Variants in MTRFR observed in about 807,000 individuals in gnomAD.
MTRFR encodes mitochondrial translation release factor in rescue.
Under a neutral mutation model 11.9 loss-of-function variants are expected in MTRFR, and 10 were observed. The ratio of observed to expected loss-of-function variants is 0.84; its 90% CI spans 0.52 to 1.42. The LOEUF (loss-of-function observed/expected upper bound fraction) is 1.42, where lower values mean the gene tolerates loss of function less well. Among genes scored for constraint, MTRFR ranks in the 40% most tolerant of loss-of-function variants. MTRFR has a pLI of 0.00. For synonymous variants in MTRFR, 77 were observed against 79.1 expected (o/e 0.97, Z 0.14); for missense variants, 196 against 197.9 (o/e 0.99, Z 0.06).
intron 1 of MTRFR, among the ~76,000 whole-genome samples, chr12:123,239,099 T>C (rs1055855582): frequency 6.6e-6 from 1 of 152,114 alleles, no homozygotes; most frequent in Non-Finnish European, 1.5e-5. Context: ...TGAAACCCCG[T>C]CTCTACAAAA....
intron 1 of MTRFR, among the ~76,000 whole-genome samples, chr12:123,253,070 ATTTTTTTTTTTTTTTTTTT>A (rs71085872): frequency 5.6e-3 from 195 of 34,844 alleles, no homozygotes; most frequent in Middle Eastern, 0.026. Context: ...GTTCCTTTGA[ATTTTTTTTTTTTTTTTTTT>A]TTTTTTTTTT....
Position 123,256,912 on chromosome 12 carries a change from C to G in MTRFR, c.382C>G (p.His128Asp). Reference protein sequence around the residue: ...VFYNGENSPVHKEKREAAKKK... With the variant: ...VFYNGENSPVDKEKREAAKKK... The stretch of plus-strand genomic sequence containing the variant: ...CTACAATGGTGAAAACAGTCCTGTT[C>G]ACAAAGAAAAACGAGAAGCGGCGAA... Residue 128 changes from histidine (H) to aspartate (D), a missense_variant, in exon 3 of 3, where the codon CAC becomes GAC. By Grantham distance (81) the His-to-Asp change is moderately conservative (BLOSUM62 -1). Transcript: ENST00000253233. The G allele has an allele frequency of 6.2e-7, 1 of 1,613,252 alleles. No homozygotes were observed.
chr12:123,241,377 G>A (rs907903502), intron 1 of MTRFR, among the ~76,000 whole-genome samples: 1 of 151,432 alleles, frequency 6.6e-6, no homozygotes, highest in African/African-American at 2.4e-5. Context: ...TTCAGTCTTC[G>A]CCCAGGCTGG....
Position 123,257,156 on chromosome 12 carries a change from C to A in MTRFR, c.*125C>A. ...AAATATTTTTGATGAACTTAAAAGACAACAAATTTATTTAAATGGTGCACT... is the reference window on the plus strand; with the variant it reads ...AAATATTTTTGATGAACTTAAAAGAAAACAAATTTATTTAAATGGTGCACT... On this transcript the variant is annotated 3_prime_UTR_variant, in exon 3 of 3. Coordinates refer to ENST00000253233, the MANE Select transcript of MTRFR (RefSeq NM_152269.5). 1 of 810,760 alleles carries A rather than the reference C, an allele frequency of 1.2e-6. No individual in the cohort carries two copies. Among genetic ancestry groups the A allele is most frequent in the East Asian group, 2.4e-5 (1 of 41,152 alleles). 50.2% of individuals were successfully genotyped at this position (810,760 alleles called of 1,614,324 possible). A position where few individuals can be genotyped will look rare whatever the true frequency, so the allele number is the denominator to read the frequency against.
chr12:123,256,297 C>T (rs1361722327), intron 2 of MTRFR, among the ~76,000 whole-genome samples: 2 of 152,140 alleles, frequency 1.3e-5, no homozygotes, highest in Non-Finnish European at 2.9e-5. Flanking sequence ...ATTTGAAGGC[C>T]ACTGTTGCTT....
intron 1 of MTRFR, among the ~76,000 whole-genome samples, chr12:123,238,710 G>A (rs2047888010): frequency 6.6e-6 from 1 of 152,158 alleles, no homozygotes; most frequent in African/African-American, 2.4e-5. Context: ...CAAATTTTAT[G>A]TGCCTCTGCA....
At chr12:123,239,559 T>C (rs1035369990) in intron 1 of MTRFR, among the ~76,000 whole-genome samples, 1 of 152,056 alleles carries the variant, frequency 6.6e-6, no homozygotes. Context: ...CGTGCAACCA[T>C]GCCCAGCTAA....
Position 123,255,977 on chromosome 12 carries a change from C to T in MTRFR, c.283-836C>T, listed in dbSNP as rs181315052. On this transcript the variant is annotated intron_variant, in intron 2 of 2. Coordinates refer to ENST00000253233, the MANE Select transcript of MTRFR (RefSeq NM_152269.5). ...ATGGGGGGTCTTGCTATGTTGCCCA[C>T]GCTGGTCTCAAACTCCAGCCCTCAA... 1.1e-4 allele frequency among the ~76,000 whole-genome samples: 17 copies of T among 152,192 alleles called. No individual in the cohort carries two copies. In the South Asian group the frequency reaches 2.1e-3, roughly 19 times the overall value.
chr12:123,241,773 A>T (rs1054856871), intron 1 of MTRFR, among the ~76,000 whole-genome samples: 5 of 152,232 alleles, frequency 3.3e-5, no homozygotes, highest in African/African-American at 1.2e-4. Context: ...CTCCGGCCAC[A>T]GGCCTTGTTG....
At chr12:123,256,052 C>T (rs963060185) in intron 2 of MTRFR, among the ~76,000 whole-genome samples, 6 of 152,148 alleles carry the variant, frequency 3.9e-5, no homozygotes, top group Non-Finnish European at 7.4e-5. Flanking sequence ...AGGTGTGAGC[C>T]ACTATGCCTG....
intron 1 of MTRFR, among the ~76,000 whole-genome samples, chr12:123,245,052 A>G (rs921558927): frequency 2.9e-5 from 4 of 139,762 alleles, no homozygotes; most frequent in Non-Finnish European, 6.1e-5. Flanking sequence ...GAATTCAAGC[A>G]GTTCTCCTGC....
intron 1 of MTRFR, chr12:123,251,598 CCTT>C (rs2048111861): frequency 6.6e-6 from 1 of 152,544 alleles, no homozygotes; most frequent in Non-Finnish European, 1.5e-5. Flanking sequence ...TGCAAACAGA[CCTT>C]CAGCCTCTCC....
chr12:123,256,914 CAAAG>C lies in MTRFR; in HGVS notation c.388_391del (p.Glu130AsnfsTer45). ...ACAATGGTGAAAACAGTCCTGTTCA[CAAAG>C]AAAAACGAGAAGCGGCGAAGAAAAA... is the stretch of plus-strand genomic sequence containing the variant. On this transcript the variant is annotated frameshift_variant, in exon 3 of 3. Transcript: ENST00000253233. LOFTEE classifies it high-confidence loss of function. 1 of 1,611,460 alleles carries C rather than the reference CAAAG, an allele frequency of 6.2e-7. No individual in the cohort carries two copies.
chr12:123,240,209 C>A (rs1430850230), intron 1 of MTRFR, among the ~76,000 whole-genome samples: 48 of 135,006 alleles, frequency 3.6e-4, no homozygotes, highest in African/African-American at 1.2e-3. Flanking sequence ...ATTAAAAATA[C>A]AAAAAAAAAA....
chr12:123,237,450 G>A (rs921152937), intron 1 of MTRFR, among the ~76,000 whole-genome samples: 6 of 152,090 alleles, frequency 3.9e-5, no homozygotes, highest in Non-Finnish European at 8.8e-5. Context: ...AAAAATGAAC[G>A]AGATGTTGGG....
chr12:123,253,384 C>T lies in MTRFR; in HGVS notation c.-28-263C>T, dbSNP rs577326977. ...CTCCTTTCTGAGAAAACAGCACCCC[C>T]GGGTGCTTGGAAGATATTTTTGGTC... On this transcript the variant is annotated intron_variant, in intron 1 of 2. Coordinates refer to ENST00000253233, the MANE Select transcript of MTRFR (RefSeq NM_152269.5). 744 of 395,434 alleles carry T rather than the reference C, an allele frequency of 1.9e-3. 3 individuals are homozygous for T. Among genetic ancestry groups the T allele is most frequent in the Non-Finnish European group, 3.0e-3 (619 of 208,164 alleles). The allele number at this position is 395,434 out of a possible 1,614,324, so 24.5% of individuals were successfully genotyped here.
chr12:123,237,999 C>T (rs2047877785), intron 1 of MTRFR, among the ~76,000 whole-genome samples: 1 of 151,988 alleles, frequency 6.6e-6, no homozygotes, highest in Non-Finnish European at 1.5e-5. Flanking sequence ...AGGTTGAATC[C>T]ATTATTCTGC....
At chr12:123,254,084 C>A in intron 2 of MTRFR, 128 bp downstream of exon 2, 1 of 1,114,440 alleles carries the variant, frequency 9.0e-7, no homozygotes, top group Non-Finnish European at 1.3e-6. Flanking sequence ...CACCCTCTAC[C>A]AGCCAGGCAG....
At position 123,239,001 on chromosome 12, in the gene MTRFR, T is replaced by C. The variant is rs34632780; in HGVS notation, c.-29+5470T>C. The stretch of plus-strand genomic sequence containing the variant: ...ATTTTAAAATATTGGCTGGGTGCAG[T>C]GGCTCACACCTGTAATCCCAGCACT... On this transcript the variant is annotated intron_variant, in intron 1 of 2. Coordinates refer to ENST00000253233, the MANE Select transcript of MTRFR (RefSeq NM_152269.5). 2.0e-5 allele frequency among the ~76,000 whole-genome samples: 3 copies of C among 152,332 alleles called. No individual in the cohort carries two copies. In the East Asian group the frequency reaches 5.8e-4, roughly 29 times the overall value.
Sources: allele counts gnomAD v4.1 joint callset (sites outside exome capture counted in the v4.1 genomes callset), GRCh38; gene constraint gnomAD v4.1.1; transcripts MANE v1.5; gene names NCBI Gene and HGNC (gene_info 2026-07-23, HGNC 2026-07-21).